Variants in MAP4K2 observed in about 807,000 individuals in gnomAD.
MAP4K2 encodes the protein mitogen-activated protein kinase kinase kinase kinase 2.
In MAP4K2, 85 loss-of-function variants were observed where a neutral mutation model predicts 125.3. The observed-to-expected ratio is 0.68, with a 90% CI of 0.57 to 0.81. The LOEUF (loss-of-function observed/expected upper bound fraction) is 0.81, where lower values mean the gene tolerates loss of function less well. MAP4K2 is among the 40% of genes least tolerant of loss of function. The pLI is 0.00. For synonymous variants in MAP4K2, 479 were observed against 445.1 expected, an observed-to-expected ratio of 1.08 and a Z score of -0.96; for missense variants, 923 against 1,056.4, an observed-to-expected ratio of 0.87 and a Z score of 1.75.
chr11:64,801,083 T>A (rs1279367382), intron 8 of MAP4K2, 28 bp downstream of exon 8: 1 of 1,613,602 alleles, frequency 6.2e-7, no homozygotes, highest in South Asian at 1.1e-5. Flanking sequence ...CTGTGGCCCC[T>A]ACCCCTCCGC....
chr11:64,801,928 G>A (rs1231120191), intron 5 of MAP4K2, 138 bp downstream of exon 5: 2 of 1,151,080 alleles, frequency 1.7e-6, no homozygotes, highest in African/African-American at 3.1e-5. Context: ...CAGGGCTGGG[G>A]CCCCTTTTCC....
intron 27 of MAP4K2, among the ~76,000 whole-genome samples, chr11:64,791,047 A>G (rs1377009724): frequency 6.6e-6 from 1 of 152,184 alleles, no homozygotes; most frequent in African/African-American, 2.4e-5. Flanking sequence ...GAGGCAAGAG[A>G]ATAGCTTGAA....
chr11:64,792,259 C>T lies in MAP4K2; in HGVS notation c.1827G>A (p.Thr609=), dbSNP rs977724342. ...GGGCGGCCAGCAGGAAGGTGGCACC[C>T]GTGTAGGGGTTCCGCACTGGCAGGG... The part of the protein sequence containing the change: ...LQCRVVRNPY[T]GATFLLAALP... Residue 609 remains threonine (T), a synonymous_variant, in exon 26 of 32, where the codon ACG becomes ACA. Coordinates refer to ENST00000294066, the MANE Select transcript of MAP4K2 (RefSeq NM_004579.5). The T allele has an allele frequency of 6.2e-6, 10 of 1,610,642 alleles. No individual in the cohort carries two copies. The highest frequency in any genetic ancestry group is 2.7e-5 in the African/African-American group (2 of 74,892).
At position 64,789,482 on chromosome 11, in the gene MAP4K2, G is replaced by T. The variant is rs912234591; in HGVS notation, c.*55C>A. On this transcript the variant is annotated 3_prime_UTR_variant, in exon 32 of 32. Coordinates refer to ENST00000294066, the MANE Select transcript of MAP4K2 (RefSeq NM_004579.5). Reference sequence around the variant, plus strand: ...AGGATGGGCCCCTTTGCCCAAAAGGGCCTGCAGCTAAGGCGTGGGGTGGGG... The same window carrying T: ...AGGATGGGCCCCTTTGCCCAAAAGGTCCTGCAGCTAAGGCGTGGGGTGGGG... 4 of 1,501,212 alleles carry T rather than the reference G, an allele frequency of 2.7e-6. No individual in the cohort carries two copies. The highest frequency in any genetic ancestry group is 3.6e-6 in the Non-Finnish European group (4 of 1,102,058). 93.0% of individuals were successfully genotyped at this position (1,501,212 alleles called of 1,614,324 possible). A position where few individuals can be genotyped will look rare whatever the true frequency, so the allele number is the denominator to read the frequency against.
At chr11:64,801,429 CAGGG>C (rs929725575) in intron 7 of MAP4K2, 146 bp downstream of exon 7, 8 of 955,808 alleles carry the variant, frequency 8.4e-6, no homozygotes, top group Non-Finnish European at 1.3e-5. Flanking sequence ...TATTTTCCAG[CAGGG>C]AGGGAGTACC....
At chr11:64,801,506 C>A in intron 7 of MAP4K2, 73 bp downstream of exon 7, 3 of 1,563,456 alleles carry the variant, frequency 1.9e-6, no homozygotes, top group Non-Finnish European at 1.8e-6. Flanking sequence ...CAGTGACACC[C>A]AACCCTTGAG....
At chr11:64,795,668 C>T (rs184300833) in intron 24 of MAP4K2, among the ~76,000 whole-genome samples, 22 of 152,318 alleles carry the variant, frequency 1.4e-4, no homozygotes, top group African/African-American at 5.1e-4. Flanking sequence ...TCCCAAAGTG[C>T]TGGGATTACA....
At chr11:64,792,651 G>A (rs998817784) in intron 24 of MAP4K2, among the ~76,000 whole-genome samples, 6 of 152,182 alleles carry the variant, frequency 3.9e-5, no homozygotes, top group East Asian at 1.9e-4. Flanking sequence ...CCAGGGGTTT[G>A]GGTCTCAGGA....
At chr11:64,796,427 G>T in intron 23 of MAP4K2, 37 bp from the exon 24 acceptor site, 7 of 1,613,544 alleles carry the variant, frequency 4.3e-6, no homozygotes, top group Non-Finnish European at 5.9e-6. Flanking sequence ...TGGGGTGTTG[G>T]TGGGCAGGAT....
intron 27 of MAP4K2, among the ~76,000 whole-genome samples, 187 bp from the exon 28 acceptor site, chr11:64,790,649 C>T (rs1181083685): frequency 5.3e-5 from 8 of 152,184 alleles, no homozygotes; most frequent in Non-Finnish European, 4.4e-5. Context: ...GGATGAGTGA[C>T]CCGTCCTAGG....
intron 27 of MAP4K2, 143 bp downstream of exon 27, chr11:64,791,766 G>T: frequency 1.2e-6 from 1 of 841,584 alleles, no homozygotes. Context: ...GTGGGCCCCA[G>T]ACCCCACATG....
At chr11:64,802,237 T>G (rs761626789) in intron 4 of MAP4K2, 116 bp from the exon 5 acceptor site, 1 of 1,105,534 alleles carries the variant, frequency 9.0e-7, no homozygotes, top group Non-Finnish European at 1.3e-6. Context: ...GTTGGCCACG[T>G]CCCCTCCCAG....
intron 14 of MAP4K2, 97 bp from the exon 15 acceptor site, chr11:64,798,934 G>C: frequency 9.8e-7 from 1 of 1,021,450 alleles, no homozygotes; most frequent in South Asian, 1.5e-5. Context: ...CAGACAGACA[G>C]ACAGACGGGA....
At chr11:64,796,130 C>A in intron 24 of MAP4K2, 143 bp downstream of exon 24, 1 of 709,652 alleles carries the variant, frequency 1.4e-6, no homozygotes. Flanking sequence ...GGAAGGCCAT[C>A]AATTGTATTG....
rs1941022771 is a variant in MAP4K2, at chr11:64,799,415, A to G, written c.1053+6T>C. ...ACCACCTTCCCCTCAAGGCCTGCCC[A>G]CTCACCGGCTCATTCAGTGGGTCAG... is the stretch of plus-strand genomic sequence containing the variant. On this transcript the variant is annotated splice_donor_region_variant and intron_variant, in intron 14 of 31. Coordinates refer to ENST00000294066, the MANE Select transcript of MAP4K2 (RefSeq NM_004579.5). The G allele has an allele frequency of 6.2e-7, 1 of 1,612,384 alleles. No homozygotes were observed. The highest frequency in any genetic ancestry group is 8.5e-7 in the Non-Finnish European group (1 of 1,179,490).
chr11:64,797,263 C>A lies in MAP4K2; in HGVS notation c.1276+12G>T, dbSNP rs773084646. ...TGGGGCTGCCTCCTGGCCTCCCAAG[C>A]CTGAGACTCACCTGGGGGACTGGAC... On this transcript the variant is annotated intron_variant, in intron 18 of 31. Transcript: ENST00000294066. The A allele has an allele frequency of 2.5e-6, 4 of 1,599,532 alleles. No homozygotes were observed. Among genetic ancestry groups the A allele is most frequent in the Non-Finnish European group, 3.4e-6 (4 of 1,173,216 alleles).
At position 64,796,490 on chromosome 11, in the gene MAP4K2, T is replaced by A. The variant is rs1382811877; in HGVS notation, c.1633+3A>T. ...CTGCCTCCCTGCCCATCCCACCTTG[T>A]ACCTGAGAGTGACAGCAGCACGTTG... On this transcript the variant is annotated splice_donor_region_variant and intron_variant, in intron 23 of 31. Transcript: ENST00000294066. 6.2e-7 allele frequency: 1 copy of A among 1,613,910 alleles called. No individual in the cohort carries two copies. The highest frequency in any genetic ancestry group is 1.7e-5 in the Admixed American group (1 of 60,032).
intron 24 of MAP4K2, among the ~76,000 whole-genome samples, chr11:64,795,504 G>A (rs1181402648): frequency 4.6e-5 from 7 of 151,768 alleles, no homozygotes; most frequent in Admixed American, 4.6e-4. Flanking sequence ...AGGTTCAAGC[G>A]ATTCTCCTGT....
rs760248491 is a variant in MAP4K2 at position 64,792,187 on chromosome 11, C to A, written c.1899G>T (p.Lys633Asn). The A allele has an allele frequency of 6.2e-7, 1 of 1,611,426 alleles. No homozygotes were observed. Among genetic ancestry groups the A allele is most frequent in the Non-Finnish European group, 8.5e-7 (1 of 1,179,276 alleles). Reference protein sequence around the residue: ...LLLQWYEPLQKFLLLKNFSSP... With the variant: ...LLLQWYEPLQNFLLLKNFSSP... ...CGCCCCTCACCTTCAGCAGCAGAAACTTCTGCAGCGGCTCATACCACTGCA... is the reference window on the plus strand; with the variant it reads ...CGCCCCTCACCTTCAGCAGCAGAAAATTCTGCAGCGGCTCATACCACTGCA... Residue 633 changes from lysine to asparagine, a missense_variant, in exon 26 of 32, where the codon AAG becomes AAT. Physicochemically the swap from Lys to Asn is moderately conservative, Grantham distance 94 (BLOSUM62 0). Transcript: ENST00000294066.
Sources: allele counts gnomAD v4.1 joint callset (sites outside exome capture counted in the v4.1 genomes callset), GRCh38; gene constraint gnomAD v4.1.1; transcripts MANE v1.5; gene names NCBI Gene and HGNC (gene_info 2026-07-23, HGNC 2026-07-21).